KALRN: variants seen among roughly 807,000 people sequenced by gnomAD.
KALRN encodes the protein kalirin RhoGEF kinase.
KALRN carries 70 observed loss-of-function variants against 353.7 expected under a neutral mutation model. The ratio of observed to expected loss-of-function variants is 0.20; its 90% confidence interval spans 0.16 to 0.24. KALRN has a LOEUF of 0.24. KALRN is among the 10% of genes least tolerant of loss of function. The probability of loss-of-function intolerance (pLI) is 1.00; values close to 1 mark genes in which losing one functional copy is unlikely to be tolerated. For missense variants in KALRN, 2,791 were observed against 3,756.7 expected (o/e 0.74, Z 6.72); for synonymous variants, 1,391 against 1,434.8 (o/e 0.97, Z 0.69).
At chr3:124,092,751 A>G (rs2061194964) in intron 1 of KALRN, among the ~76,000 whole-genome samples, 1 of 152,216 alleles carries the variant, frequency 6.6e-6, no homozygotes, top group East Asian at 1.9e-4. Flanking sequence ...AATCTTTTGG[A>G]ACATGGATTT....
At position 124,522,615 on chromosome 3, in the gene KALRN, GCA is replaced by G. The variant is rs535416579; in HGVS notation, c.4935+26205_4935+26206del. ...AGAATTGCCTGGAAGGATTGTTAAAGCACAGACTGCAGGGCTGCACCCCCGGA... is the reference window on the plus strand; with the variant it reads ...AGAATTGCCTGGAAGGATTGTTAAAGCAGACTGCAGGGCTGCACCCCCGGA... On this transcript the variant is annotated intron_variant, in intron 33 of 59. Transcript: ENST00000682506. Among the ~76,000 whole-genome samples the G allele has an allele frequency of 2.1e-3, 321 of 152,314 alleles. 3 individuals carry two copies. In the South Asian group the frequency reaches 0.024, roughly 12 times the overall value.
chr3:124,466,520 G>A (rs2060362494), intron 25 of KALRN, among the ~76,000 whole-genome samples: 1 of 152,170 alleles, frequency 6.6e-6, no homozygotes, highest in East Asian at 1.9e-4. Flanking sequence ...CTTTGCTGTG[G>A]ACAGCTTTTT....
chr3:124,693,257 C>A (rs1433599295), intron 51 of KALRN, among the ~76,000 whole-genome samples: 1 of 135,866 alleles, frequency 7.4e-6, no homozygotes, highest in African/African-American at 2.7e-5. Context: ...TCCAGAGAAG[C>A]TCTGTTGTTT....
chr3:124,493,809 G>A (rs878884017), intron 32 of KALRN, among the ~76,000 whole-genome samples: 23 of 152,208 alleles, frequency 1.5e-4, no homozygotes, highest in African/African-American at 3.1e-4. Flanking sequence ...TCCATGGGGC[G>A]GAAGCCCCAA....
chr3:124,412,508 C>A (rs1344217997), intron 13 of KALRN, among the ~76,000 whole-genome samples: 1 of 152,204 alleles, frequency 6.6e-6, no homozygotes, highest in Admixed American at 6.5e-5. Context: ...TTTTGATTCA[C>A]ACAAGTGGAA....
chr3:124,679,853 T>G (rs569712577), intron 51 of KALRN: 3 of 375,570 alleles, frequency 8.0e-6, no homozygotes, highest in Admixed American at 7.5e-5. Flanking sequence ...AAAACAGCAC[T>G]GTAAAGAGTG....
intron 5 of KALRN, among the ~76,000 whole-genome samples, chr3:124,281,150 C>T (rs1899930): frequency 0.52 from 79,019 of 152,040 alleles, 21,310 homozygotes; most frequent in East Asian, 0.68. Flanking sequence ...TCCCCCAGTC[C>T]CCCATCCCAT....
chr3:124,307,980 T>C (rs2077871406), intron 6 of KALRN, among the ~76,000 whole-genome samples: 1 of 152,018 alleles, frequency 6.6e-6, no homozygotes, highest in South Asian at 2.1e-4. Context: ...ACATGTATTA[T>C]GCAAACAGCA....
chr3:124,633,959 A>C lies in KALRN; in HGVS notation c.5568+6A>C. ...ACCCTACACAGGATGAAATGGTAGA[A>C]CTTCTTTACTTGCTCACTTAAAAGA... On this transcript the variant is annotated splice_donor_region_variant and intron_variant, in intron 36 of 59. Transcript: ENST00000682506. The C allele has an allele frequency of 6.2e-7, 1 of 1,609,196 alleles. No individual in the cohort carries two copies.
At chr3:124,249,132 A>G (rs1310219543) in intron 3 of KALRN, among the ~76,000 whole-genome samples, 1 of 152,248 alleles carries the variant, frequency 6.6e-6, no homozygotes, top group African/African-American at 2.4e-5. Flanking sequence ...CTGTGGATAC[A>G]CAGGACACTT....
intron 34 of KALRN, among the ~76,000 whole-genome samples, chr3:124,580,878 G>A (rs1174586368): frequency 6.6e-6 from 1 of 151,810 alleles, no homozygotes; most frequent in African/African-American, 2.4e-5. Context: ...GAGGCCGAGG[G>A]GGGCAGATCG....
rs186393347 is a variant in KALRN, at chr3:124,608,539, C to T, written c.5183-23881C>T. Among the ~76,000 whole-genome samples, 4 of 152,222 alleles carry T rather than the reference C, an allele frequency of 2.6e-5. No homozygotes were observed. The East Asian group carries it at 7.7e-4, about 29-fold the overall frequency. ...CTTACAGCATCCTGTCTCCCTTCTT[C>T]CCCTCCCTCCTGATAGTCTGTGGAC... On this transcript the variant is annotated intron_variant, in intron 34 of 59. Coordinates refer to ENST00000682506, the MANE Select transcript of KALRN (RefSeq NM_001388419.1).
intron 5 of KALRN, among the ~76,000 whole-genome samples, chr3:124,277,264 C>CTT (rs1190649640): frequency 1.3e-5 from 2 of 152,148 alleles, no homozygotes; most frequent in Non-Finnish European, 1.5e-5. Context: ...AGGGCAAGGC[C>CTT]TTTACGGGGT....
intron 34 of KALRN, among the ~76,000 whole-genome samples, chr3:124,600,712 A>G (rs1304523497): frequency 6.6e-6 from 1 of 152,192 alleles, no homozygotes. Flanking sequence ...ATCAGATGTG[A>G]TTCAAATAGA....
intron 45 of KALRN, among the ~76,000 whole-genome samples, chr3:124,664,075 G>A (rs933781540): frequency 1.3e-5 from 2 of 152,134 alleles, no homozygotes; most frequent in African/African-American, 4.8e-5. Flanking sequence ...GACACACACT[G>A]AGTTCTTAAC....
intron 7 of KALRN, among the ~76,000 whole-genome samples, chr3:124,329,470 A>G (rs13089305): frequency 2.6e-5 from 4 of 152,318 alleles, no homozygotes; most frequent in East Asian, 1.9e-4. Context: ...ATCTCCTTAC[A>G]TTACACACAG....
chr3:124,335,538 G>C (rs2081051985), intron 9 of KALRN, among the ~76,000 whole-genome samples: 1 of 152,076 alleles, frequency 6.6e-6, no homozygotes, highest in South Asian at 2.1e-4. Context: ...AGGACCCTGG[G>C]ATCTTTGCTG....
chr3:124,453,108 G>C (rs148841972), intron 21 of KALRN, among the ~76,000 whole-genome samples: 2 of 152,306 alleles, frequency 1.3e-5, no homozygotes, highest in East Asian at 3.9e-4. Flanking sequence ...TGAATAAGAT[G>C]ATTAAAAAGG....
intron 33 of KALRN, among the ~76,000 whole-genome samples, chr3:124,527,370 G>C (rs2067675842): frequency 6.6e-6 from 1 of 152,124 alleles, no homozygotes; most frequent in African/African-American, 2.4e-5. Flanking sequence ...AGCACTTAGG[G>C]AGGCCAAGGC....
Sources: gnomAD v4.1 joint callset for allele counts (sites outside exome capture counted in the v4.1 genomes callset) on GRCh38, gnomAD v4.1.1 for gene constraint, MANE v1.5 for transcripts, NCBI Gene and HGNC (gene_info 2026-07-23, HGNC 2026-07-21) for gene names.